ZNF385D: variants seen among roughly 807,000 people sequenced by gnomAD.
ZNF385D encodes zinc finger protein 385D.
Under a neutral mutation model 35.8 loss-of-function variants are expected in ZNF385D, and 15 were observed. That is an observed-to-expected ratio of 0.42 (90% confidence interval 0.28 to 0.64). ZNF385D has a LOEUF of 0.64. ZNF385D is among the 30% of genes least tolerant of loss of function. ZNF385D has a pLI of 0.23. For synonymous variants in ZNF385D, 212 were observed against 186.8 expected, an observed-to-expected ratio of 1.13 and a Z score of -1.10; for missense variants, 474 against 494.6, an observed-to-expected ratio of 0.96 and a Z score of 0.39.
intron 2 of ZNF385D, among the ~76,000 whole-genome samples, chr3:22,285,215 GA>G (rs947065484): frequency 8.5e-5 from 13 of 152,208 alleles, no homozygotes; most frequent in African/African-American, 2.9e-4. Flanking sequence ...CTCTGTATGT[GA>G]TTCTGAATAA....
rs866573611 is a variant in ZNF385D, at chr3:21,618,723, C to A, written c.165+46163G>T. Among the ~76,000 whole-genome samples, 6 of 152,082 alleles carry A rather than the reference C, an allele frequency of 3.9e-5. No individual in the cohort carries two copies. In the South Asian group the frequency reaches 1.2e-3, roughly 31 times the overall value. ...GAGTATGTTAAATAAGGAAAAAAGT[C>A]TATCAGTTAAAGAACAAAAGTCTAC... On this transcript the variant is annotated intron_variant, in intron 2 of 7. Coordinates refer to ENST00000281523, the MANE Select transcript of ZNF385D (RefSeq NM_024697.3).
At chr3:22,333,456 AT>A (rs199607971) in intron 2 of ZNF385D, among the ~76,000 whole-genome samples, 5,918 of 151,324 alleles carry the variant, frequency 0.039, 326 homozygotes, top group African/African-American at 0.12. Context: ...TGCTTTGTTC[AT>A]TTTTTTTCTA....
At chr3:21,682,783 G>A (rs1049471676) in intron 1 of ZNF385D, among the ~76,000 whole-genome samples, 1 of 149,496 alleles carries the variant, frequency 6.7e-6, no homozygotes, top group African/African-American at 2.5e-5. Context: ...AGCTTTGTGA[G>A]CTATCAGTTC....
At chr3:22,045,651 G>A (rs1698952838) in intron 3 of ZNF385D, among the ~76,000 whole-genome samples, 1 of 152,170 alleles carries the variant, frequency 6.6e-6, no homozygotes, top group African/African-American at 2.4e-5. Context: ...CTGAGTAAAG[G>A]TGGTATTTTA....
intron 3 of ZNF385D, among the ~76,000 whole-genome samples, chr3:22,005,355 A>C (rs1696137069): frequency 6.6e-6 from 1 of 152,120 alleles, no homozygotes; most frequent in Non-Finnish European, 1.5e-5. Flanking sequence ...AAATTAACAC[A>C]GTCATTATGG....
chr3:21,849,015 A>G (rs1299989841), intron 3 of ZNF385D, among the ~76,000 whole-genome samples: 1 of 152,090 alleles, frequency 6.6e-6, no homozygotes, highest in East Asian at 1.9e-4. Flanking sequence ...AGTTTTATCA[A>G]CAGTGTAAGC....
chr3:21,532,542 A>C (rs1043505325), intron 3 of ZNF385D, among the ~76,000 whole-genome samples: 7 of 152,132 alleles, frequency 4.6e-5, no homozygotes, highest in Non-Finnish European at 8.8e-5. Context: ...GTTGTCTCCA[A>C]CGTAAATTTC....
At chr3:21,992,346 A>G (rs1695198239) in intron 3 of ZNF385D, among the ~76,000 whole-genome samples, 1 of 152,140 alleles carries the variant, frequency 6.6e-6, no homozygotes, top group South Asian at 2.1e-4. Flanking sequence ...GCTATTATCT[A>G]TGTTAAACAA....
intron 4 of ZNF385D, among the ~76,000 whole-genome samples, chr3:21,469,412 G>GTA (rs1703742077): frequency 6.6e-6 from 1 of 152,132 alleles, no homozygotes; most frequent in Admixed American, 6.6e-5. Context: ...TTTAGTACAT[G>GTA]CTGCTTTTTC....
intron 2 of ZNF385D, among the ~76,000 whole-genome samples, chr3:22,282,792 G>C (rs571305815): frequency 1.3e-5 from 2 of 151,898 alleles, no homozygotes; most frequent in Admixed American, 6.6e-5. Context: ...AAAAACACAA[G>C]GTATTCAACA....
chr3:21,727,343 A>G (rs1352532642), intron 1 of ZNF385D, among the ~76,000 whole-genome samples: 1 of 152,312 alleles, frequency 6.6e-6, no homozygotes, highest in Middle Eastern at 3.4e-3. Flanking sequence ...TAAACTAAAG[A>G]CCTTCTGCAC....
intron 2 of ZNF385D, among the ~76,000 whole-genome samples, chr3:22,323,559 G>T (rs1320090601): frequency 6.6e-6 from 1 of 152,156 alleles, no homozygotes; most frequent in African/African-American, 2.4e-5. Flanking sequence ...GGCTAAAGGG[G>T]AATTTAGCTA....
At chr3:21,634,840 AT>A (rs925324032) in intron 2 of ZNF385D, among the ~76,000 whole-genome samples, 5 of 150,614 alleles carry the variant, frequency 3.3e-5, no homozygotes, top group Admixed American at 2.6e-4. Context: ...GGATGGCAAT[AT>A]TTTTCTTTTA....
At chr3:21,752,242 G>T (rs1441099191), upstream of ZNF385D, among the ~76,000 whole-genome samples, 1 of 152,062 alleles carries the variant, frequency 6.6e-6, no homozygotes, top group African/African-American at 2.4e-5. Flanking sequence ...CGTTTCCTAA[G>T]GACTCATCAC....
At chr3:22,216,617 AAG>A (rs1241448696) in intron 2 of ZNF385D, among the ~76,000 whole-genome samples, 1 of 152,160 alleles carries the variant, frequency 6.6e-6, no homozygotes, top group Non-Finnish European at 1.5e-5. Flanking sequence ...TAAAAGGGAT[AAG>A]AGTGAGGAAT....
At position 21,722,894 on chromosome 3, in the gene ZNF385D, G is replaced by A. The variant is rs370282766; in HGVS notation, c.22+28001C>T. Among the ~76,000 whole-genome samples, 4 of 152,160 alleles carry A rather than the reference G, an allele frequency of 2.6e-5. No individual in the cohort carries two copies. In the East Asian group the frequency reaches 5.8e-4, roughly 22 times the overall value. On this transcript the variant is annotated intron_variant, in intron 1 of 7. Coordinates refer to ENST00000281523, the MANE Select transcript of ZNF385D (RefSeq NM_024697.3). ...CCATTTCTCATACCTGTGTGAGCTT[G>A]TACTACTTTTGGATGTTGGGTCTAT...
intron 2 of ZNF385D, among the ~76,000 whole-genome samples, chr3:22,354,730 C>T (rs1158645962): frequency 6.6e-6 from 1 of 151,964 alleles, no homozygotes; most frequent in African/African-American, 2.4e-5. Context: ...CAGAGAACAT[C>T]AGGAAAACAT....
intron 2 of ZNF385D, among the ~76,000 whole-genome samples, chr3:22,268,609 G>A (rs780009767): frequency 2.6e-5 from 4 of 152,072 alleles, no homozygotes; most frequent in Non-Finnish European, 5.9e-5. Flanking sequence ...TTAGTTGCAA[G>A]ATAAATTTGG....
At chr3:21,954,597 T>C (rs892931060) in intron 3 of ZNF385D, among the ~76,000 whole-genome samples, 1 of 152,116 alleles carries the variant, frequency 6.6e-6, no homozygotes, top group African/African-American at 2.4e-5. Context: ...TGTAAACAAC[T>C]TAATTTTTAT....
Sources: allele counts gnomAD v4.1 joint callset (sites outside exome capture counted in the v4.1 genomes callset), GRCh38; gene constraint gnomAD v4.1.1; transcripts MANE v1.5; gene names NCBI Gene and HGNC (gene_info 2026-07-23, HGNC 2026-07-21).